EGFR: variants seen among roughly 807,000 people sequenced by gnomAD.
The protein encoded by EGFR is avian erythroblastic leukemia viral (v-erb-b) oncogene homolog.
EGFR carries 58 observed loss-of-function variants against 143.0 expected under a neutral mutation model. The observed-to-expected ratio is 0.41, with a 90% CI of 0.33 to 0.50. The LOEUF (loss-of-function observed/expected upper bound fraction) is 0.50, where lower values mean the gene tolerates loss of function less well. Among genes scored for constraint, EGFR ranks in the 20% least tolerant of loss-of-function variants. EGFR has a pLI of 0.39. For missense variants in EGFR, 1,307 were observed against 1,579.0 expected (o/e 0.83, Z 2.92); for synonymous variants, 613 against 594.4 (o/e 1.03, Z -0.45).
intron 1 of EGFR, among the ~76,000 whole-genome samples, chr7:55,087,517 G>T (rs1357696203): frequency 6.6e-6 from 1 of 152,176 alleles, no homozygotes; most frequent in Non-Finnish European, 1.5e-5. Flanking sequence ...ATGAAACATG[G>T]GTTGTGTGTA....
intron 13 of EGFR, among the ~76,000 whole-genome samples, chr7:55,162,817 G>A (rs973315060): frequency 6.6e-6 from 1 of 152,114 alleles, no homozygotes; most frequent in Non-Finnish European, 1.5e-5. Flanking sequence ...TTGAGACAGA[G>A]TCTCACGCCA....
chr7:55,064,453 T>C (rs1789380705), intron 1 of EGFR, among the ~76,000 whole-genome samples: 1 of 152,230 alleles, frequency 6.6e-6, no homozygotes, highest in Non-Finnish European at 1.5e-5. Flanking sequence ...AAGGATCCTT[T>C]ACTGTTTCAG....
At chr7:55,160,473 T>G in intron 12 of EGFR, 135 bp downstream of exon 12, 1 of 986,214 alleles carries the variant, frequency 1.0e-6, no homozygotes, top group Non-Finnish European at 1.5e-6. Context: ...AATCTTAAGA[T>G]TCCTAACTGT....
At chr7:55,169,959 A>C (rs1044224583) in intron 15 of EGFR, among the ~76,000 whole-genome samples, 1 of 152,182 alleles carries the variant, frequency 6.6e-6, no homozygotes, top group Admixed American at 6.5e-5. Flanking sequence ...GCAGGCAGGG[A>C]GAGACTGCTA....
chr7:55,184,609 T>C (rs1787048694), intron 20 of EGFR, among the ~76,000 whole-genome samples: 1 of 152,262 alleles, frequency 6.6e-6, no homozygotes, highest in African/African-American at 2.4e-5. Context: ...GACAGTTTTC[T>C]GCATAATATT....
chr7:55,093,760 T>G (rs924409711), intron 1 of EGFR, among the ~76,000 whole-genome samples: 1 of 152,208 alleles, frequency 6.6e-6, no homozygotes, highest in Non-Finnish European at 1.5e-5. Context: ...AGGAGTTATC[T>G]TAATTTAGGG....
At chr7:55,163,848 C>T (rs372019295) in intron 14 of EGFR, 25 bp downstream of exon 14, 128 of 1,612,460 alleles carry the variant, frequency 7.9e-5, no homozygotes, top group East Asian at 1.1e-4. Context: ...CTGCTATCCA[C>T]GTCCATTTCA....
intron 22 of EGFR, among the ~76,000 whole-genome samples, chr7:55,197,899 G>C (rs1787684439): frequency 6.6e-6 from 1 of 152,180 alleles, no homozygotes; most frequent in African/African-American, 2.4e-5. Flanking sequence ...GATTCGATTT[G>C]CCAGTATTTT....
intron 1 of EGFR, among the ~76,000 whole-genome samples, chr7:55,102,453 C>G (rs1022108682): frequency 2.0e-5 from 3 of 152,196 alleles, no homozygotes; most frequent in African/African-American, 7.2e-5. Flanking sequence ...GCAGCTAACA[C>G]ATTGCTCTTT....
intron 15 of EGFR, chr7:55,170,272 C>A: frequency 1.2e-6 from 2 of 1,613,928 alleles, no homozygotes; most frequent in South Asian, 2.2e-5. Context: ...CCAGGCCTCT[C>A]ACATATTGAA....
intron 1 of EGFR, among the ~76,000 whole-genome samples, chr7:55,055,020 C>T (rs1583922983): frequency 6.6e-6 from 1 of 152,344 alleles, no homozygotes; most frequent in East Asian, 1.9e-4. Flanking sequence ...ACCTGAGTCA[C>T]ACATCTGGAG....
chr7:55,045,669 T>C (rs1239691053), intron 1 of EGFR, among the ~76,000 whole-genome samples: 2 of 152,224 alleles, frequency 1.3e-5, no homozygotes. Context: ...GTCAACATGA[T>C]GGCACCTAAA....
chr7:55,174,433 C>T (rs571741865), intron 18 of EGFR, among the ~76,000 whole-genome samples: 4 of 152,356 alleles, frequency 2.6e-5, no homozygotes, highest in Admixed American at 6.5e-5. Flanking sequence ...TAGGCCTAGA[C>T]GCAGCATCAT....
intron 12 of EGFR, 133 bp downstream of exon 12, chr7:55,160,471 G>A: frequency 9.9e-7 from 1 of 1,005,696 alleles, no homozygotes; most frequent in South Asian, 1.6e-5. Context: ...AAAATCTTAA[G>A]ATTCCTAACT....
At chr7:55,152,031 G>T (rs1044513090) in intron 5 of EGFR, among the ~76,000 whole-genome samples, 1 of 152,138 alleles carries the variant, frequency 6.6e-6, no homozygotes, top group Non-Finnish European at 1.5e-5. Context: ...GGCTTTCTTT[G>T]GTACCCACCT....
chr7:55,080,308 T>A (rs1402789452), intron 1 of EGFR, among the ~76,000 whole-genome samples: 1 of 152,124 alleles, frequency 6.6e-6, no homozygotes, highest in Non-Finnish European at 1.5e-5. Flanking sequence ...TTTGTTTTGT[T>A]TTTAGTAACT....
intron 1 of EGFR, among the ~76,000 whole-genome samples, chr7:55,029,842 C>A (rs538326262): frequency 2.6e-5 from 4 of 152,256 alleles, no homozygotes; most frequent in South Asian, 2.1e-4. Flanking sequence ...CTGAAAACAT[C>A]TGTAAAATTA....
At chr7:55,080,862 C>T (rs900580549) in intron 1 of EGFR, among the ~76,000 whole-genome samples, 3 of 152,040 alleles carry the variant, frequency 2.0e-5, no homozygotes, top group Non-Finnish European at 4.4e-5. Context: ...ATTCACTTGT[C>T]GTGGATGTGG....
chr7:55,082,678 C>T (rs1170666147), intron 1 of EGFR, among the ~76,000 whole-genome samples: 1 of 152,220 alleles, frequency 6.6e-6, no homozygotes, highest in Non-Finnish European at 1.5e-5. Context: ...GGGCAGCAGC[C>T]TCATCTGAGA....
Sources: allele counts gnomAD v4.1 joint callset (sites outside exome capture counted in the v4.1 genomes callset), GRCh38; gene constraint gnomAD v4.1.1; transcripts MANE v1.5; gene names NCBI Gene and HGNC (gene_info 2026-07-23, HGNC 2026-07-21).